Variants in NPC1L1 observed in about 807,000 individuals in gnomAD.
NPC1L1 encodes the protein NPC1 like intracellular cholesterol transporter 1.
A neutral mutation model predicts 117.0 loss-of-function variants in NPC1L1; 98 were observed. The observed-to-expected ratio is 0.84, with a 90% confidence interval of 0.71 to 0.99. The LOEUF (loss-of-function observed/expected upper bound fraction) is 0.99. Ranked by LOEUF, NPC1L1 falls within the 50% of genes least tolerant of loss-of-function variation. The pLI is 0.00. For missense variants in NPC1L1, 1,540 were observed against 1,710.0 expected, an observed-to-expected ratio of 0.90 and a Z score of 1.75; for synonymous variants, 729 against 727.6, an observed-to-expected ratio of 1.00 and a Z score of -0.03.
intron 18 of NPC1L1, among the ~76,000 whole-genome samples, chr7:44,514,921 G>A (rs1801139418): frequency 6.6e-6 from 1 of 151,848 alleles, no homozygotes; most frequent in Non-Finnish European, 1.5e-5. Flanking sequence ...GCTAAAGCAG[G>A]AGAATGGCTT....
chr7:44,535,677 C>T (rs1267489079), intron 5 of NPC1L1, among the ~76,000 whole-genome samples, 163 bp downstream of exon 5: 1 of 152,214 alleles, frequency 6.6e-6, no homozygotes, highest in African/African-American at 2.4e-5. Context: ...CTTGACCTTT[C>T]AGCACAGAAC....
At chr7:44,513,954 A>G (rs1234190569) in intron 18 of NPC1L1, among the ~76,000 whole-genome samples, 2 of 151,192 alleles carry the variant, frequency 1.3e-5, no homozygotes, top group African/African-American at 2.4e-5. Context: ...CTCATCCACC[A>G]CCCCCAGCGC....
Position 44,534,481 on chromosome 7 carries a change from GC to G in NPC1L1, c.2131del (p.Ala711LeufsTer30), listed in dbSNP as rs1801803827. 2 of 1,613,992 alleles carry G rather than the reference GC, an allele frequency of 1.2e-6. No individual in the cohort carries two copies. Among genetic ancestry groups the G allele is most frequent in the Admixed American group, 3.3e-5 (2 of 60,000 alleles). ...GAGAACAAAGATGAAGATGTTATCAGCCCCCACGGACAGCACCAGGAAAGGA... is the reference window on the plus strand; with the variant it reads ...GAGAACAAAGATGAAGATGTTATCAGCCCCACGGACAGCACCAGGAAAGGA... ...VVPFLVLSVGADNIFIFVLEY... is the reference protein window; with the variant it reads ...VVPFLVLSVGXDNIFIFVLEY... On this transcript the variant is annotated frameshift_variant, in exon 6 of 19. Coordinates refer to ENST00000381160, the MANE Select transcript of NPC1L1 (RefSeq NM_001101648.2). LOFTEE classifies it high-confidence loss of function. This position sits in a 1 kb window ranked among gnomAD's most constrained non-coding sequence, Gnocchi z 5.2.
chr7:44,540,498 C>CA (rs1802066259), intron 1 of NPC1L1, among the ~76,000 whole-genome samples, 156 bp from the exon 2 acceptor site: 1 of 152,050 alleles, frequency 6.6e-6, no homozygotes, highest in African/African-American at 2.4e-5. Flanking sequence ...AGGCATGTGC[C>CA]AGCCAGCCAG....
chr7:44,531,273 C>A (rs1381978482), intron 10 of NPC1L1, among the ~76,000 whole-genome samples: 1 of 152,210 alleles, frequency 6.6e-6, no homozygotes, highest in Non-Finnish European at 1.5e-5. Flanking sequence ...CCCCCACAGT[C>A]GCTGCCACGC....
chr7:44,512,958 T>G lies in NPC1L1; in HGVS notation c.*489A>C. 1 of 190,912 alleles carries G rather than the reference T, an allele frequency of 5.2e-6. No individual in the cohort carries two copies. 11.8% of individuals were successfully genotyped at this position (190,912 alleles called of 1,614,324 possible). ...GGCTGCCGACCGGCCTCCCACAGCG[T>G]TGGCTCTTGGCCTGAGCCTTTGCCT... is the stretch of plus-strand genomic sequence containing the variant. On this transcript the variant is annotated 3_prime_UTR_variant, in exon 19 of 19. Coordinates refer to ENST00000381160, the MANE Select transcript of NPC1L1 (RefSeq NM_001101648.2).
In NPC1L1 at chr7:44,535,912, G is replaced by A. The variant is rs1441219475; in HGVS notation, c.1911C>T (p.Ala637=). ...ACAGGAATATGACAATGTAGCTGGT[G>A]GCAAAGATGGGCAGGTCTTCAGCTG... is the stretch of plus-strand genomic sequence containing the variant. ...RTTAEDLPIF[A]TSYIVIFLYI... Residue 637 remains alanine, a synonymous_variant, in exon 5 of 19, where the codon GCC becomes GCT. Transcript: ENST00000381160. 1 of 1,613,442 alleles carries A rather than the reference G, an allele frequency of 6.2e-7. No individual in the cohort carries two copies.
In NPC1L1 at chr7:44,532,003, C is replaced by T. The variant is rs933823043; in HGVS notation, c.2547+77G>A. Reference sequence around the variant, plus strand: ...AGCATTTGGGCCTAGGCAACCTCCCCACCTCCAACCCTGCTCTCCCTGAGG... The same window carrying T: ...AGCATTTGGGCCTAGGCAACCTCCCTACCTCCAACCCTGCTCTCCCTGAGG... On this transcript the variant is annotated intron_variant, in intron 9 of 18. Transcript: ENST00000381160. 2.7e-5 allele frequency: 43 copies of T among 1,607,638 alleles called. No homozygotes were observed. In the Admixed American group the frequency reaches 5.9e-4, roughly 22 times the overall value.
At chr7:44,533,062 C>T (rs192096525) in intron 8 of NPC1L1, among the ~76,000 whole-genome samples, 67 of 151,898 alleles carry the variant, frequency 4.4e-4, no homozygotes, top group African/African-American at 1.5e-3. Context: ...GCTGATATCA[C>T]GCCATTGCAC....
At chr7:44,533,632 A>AG (rs1801770913) in intron 7 of NPC1L1, 74 bp from the exon 8 acceptor site, 1 of 1,612,250 alleles carries the variant, frequency 6.2e-7, no homozygotes, top group Admixed American at 1.7e-5. Context: ...GACAGGGTGC[A>AG]GGGGGAAGGG....
At chr7:44,533,664 C>G in intron 7 of NPC1L1, 75 bp downstream of exon 7, 1 of 1,605,714 alleles carries the variant, frequency 6.2e-7, no homozygotes, top group Non-Finnish European at 8.5e-7. Context: ...TACCCACTGC[C>G]CTCTGGGAAC....
rs753567415 is a variant in NPC1L1 at position 44,513,419 on chromosome 7, T to C, written c.*28A>G. The stretch of plus-strand genomic sequence containing the variant: ...CCCATAACCCTTTGGTTCAGGGCCA[T>C]AGAGCCTAGACAGGGCCTCTGGCTG... On this transcript the variant is annotated 3_prime_UTR_variant, in exon 19 of 19. Transcript: ENST00000381160. 6.2e-6 allele frequency: 10 copies of C among 1,607,828 alleles called. No individual in the cohort carries two copies. Among genetic ancestry groups the C allele is most frequent in the Non-Finnish European group, 7.7e-6 (9 of 1,174,324 alleles).
chr7:44,528,463 G>A (rs980957340), intron 10 of NPC1L1, among the ~76,000 whole-genome samples: 17 of 152,098 alleles, frequency 1.1e-4, no homozygotes, highest in Non-Finnish European at 1.9e-4. Flanking sequence ...GTTGTTATAG[G>A]GCAGAGTTTT....
In NPC1L1 at chr7:44,533,836, AG is replaced by A; in HGVS notation, c.2183del (p.Pro728LeufsTer13). The A allele has an allele frequency of 6.2e-7, 1 of 1,612,246 alleles. No individual in the cohort carries two copies. The highest frequency in any genetic ancestry group is 1.1e-5 in the South Asian group (1 of 90,700). On this transcript the variant is annotated frameshift_variant, in exon 7 of 19. Transcript: ENST00000381160. LOFTEE classifies it high-confidence loss of function. Reference sequence around the variant, plus strand: ...CAATGTGGACCTCTCGTGGCTCCCCAGGCCTCCGGGGCAGCCTCTGTGTGGG... The same window carrying A: ...CAATGTGGACCTCTCGTGGCTCCCCAGCCTCCGGGGCAGCCTCTGTGTGGG... ...VLEYQRLPRRPGEPREVHIGR... is the reference protein window; with the variant it reads ...VLEYQRLPRRXGEPREVHIGR...
At chr7:44,523,345 C>T (rs1801417214) in intron 10 of NPC1L1, among the ~76,000 whole-genome samples, 1 of 152,158 alleles carries the variant, frequency 6.6e-6, no homozygotes, top group African/African-American at 2.4e-5. Flanking sequence ...CATGAGCCAC[C>T]ACACCGGCCC....
At chr7:44,532,587 C>T (rs1311708416) in intron 8 of NPC1L1, among the ~76,000 whole-genome samples, 2 of 152,192 alleles carry the variant, frequency 1.3e-5, no homozygotes, top group East Asian at 1.9e-4. Context: ...AACCTGAAGA[C>T]GACGAGGATG....
At position 44,521,631 on chromosome 7, in the gene NPC1L1, G is replaced by GCCTCTCCAGT. The variant is rs1266867856; in HGVS notation, c.2953+71_2953+80dup. 20 of 1,601,628 alleles carry GCCTCTCCAGT rather than the reference G, an allele frequency of 1.2e-5. No homozygotes were observed. In the South Asian group the frequency reaches 2.2e-4, roughly 18 times the overall value. ...AGGATGCGTGGGAGAGGTTGAGGGAGCCTCTCCAGTCCTCTCCTTTCTGTT... is the reference window on the plus strand; with the variant it reads ...AGGATGCGTGGGAGAGGTTGAGGGAGCCTCTCCAGTCCTCTCCAGTCCTCTCCTTTCTGTT... On this transcript the variant is annotated intron_variant, in intron 12 of 18. Coordinates refer to ENST00000381160, the MANE Select transcript of NPC1L1 (RefSeq NM_001101648.2).
Position 44,536,737 on chromosome 7 carries a change from C to T in NPC1L1, c.1681+105G>A, listed in dbSNP as rs1480153594. 3.9e-6 allele frequency: 4 copies of T among 1,032,982 alleles called. No individual in the cohort carries two copies. Among genetic ancestry groups the T allele is most frequent in the Non-Finnish European group, 4.5e-6 (3 of 668,996 alleles). The allele number at this position is 1,032,982 out of a possible 1,614,324, so 64.0% of individuals were successfully genotyped here. A position where few individuals can be genotyped will look rare whatever the true frequency, so the allele number is the denominator to read the frequency against. On this transcript the variant is annotated intron_variant, in intron 3 of 18. Coordinates refer to ENST00000381160, the MANE Select transcript of NPC1L1 (RefSeq NM_001101648.2). This position sits in a 1 kb window ranked among gnomAD's most constrained non-coding sequence, Gnocchi z 4.7. ...CTACAGCTTCCAGAAGCCAGGCTACCCCCAGGCCGCGAGAATCCCCAGCAC... is the reference window on the plus strand; with the variant it reads ...CTACAGCTTCCAGAAGCCAGGCTACTCCCAGGCCGCGAGAATCCCCAGCAC...
At position 44,539,488 on chromosome 7, in the gene NPC1L1, C is replaced by T; in HGVS notation, c.909G>A (p.Val303=). The T allele has an allele frequency of 6.2e-7, 1 of 1,613,834 alleles. No homozygotes were observed. The highest frequency in any genetic ancestry group is 8.5e-7 in the Non-Finnish European group (1 of 1,179,850). Residue 303 remains valine (V), a synonymous_variant, in exon 2 of 19, where the codon GTG becomes GTA. Coordinates refer to ENST00000381160, the MANE Select transcript of NPC1L1 (RefSeq NM_001101648.2). This position sits in a 1 kb window ranked among gnomAD's most constrained non-coding sequence, Gnocchi z 4.4. ...CCCTGGCGGGGGCCACACGGAATCC[C>T]ACAAGCAGGATGGTGACCACAGCGA... ...SVFAVVTILL[V]GFRVAPARDK... is the part of the protein sequence containing the mutation.
Sources: allele counts gnomAD v4.1 joint callset (sites outside exome capture counted in the v4.1 genomes callset), GRCh38; gene constraint gnomAD v4.1.1; non-coding constraint Gnocchi (gnomAD v3.1); transcripts MANE v1.5; gene names NCBI Gene and HGNC (gene_info 2026-07-23, HGNC 2026-07-21).